The following RGS7 variants were observed in gnomAD, a reference collection of about 807,000 sequenced individuals.
The protein encoded by RGS7 is regulator of G protein signaling 7, also known as regulator of G-protein signaling 7.
Under a neutral mutation model 81.1 loss-of-function variants are expected in RGS7, and 27 were observed. The observed-to-expected ratio is 0.33, with a 90% CI of 0.25 to 0.46. The LOEUF (loss-of-function observed/expected upper bound fraction) is 0.46, where lower values mean the gene tolerates loss of function less well. RGS7 is among the 20% of genes least tolerant of loss of function. The pLI is 1.00. For synonymous variants in RGS7, 208 were observed against 207.7 expected (o/e 1.00, Z -0.01); for missense variants, 396 against 607.4 (o/e 0.65, Z 3.66).
At chr1:241,344,591 C>A (rs1300345248) in intron 2 of RGS7, among the ~76,000 whole-genome samples, 2 of 152,228 alleles carry the variant, frequency 1.3e-5, no homozygotes, top group Non-Finnish European at 2.9e-5. Flanking sequence ...TGGCTACAAG[C>A]CCTTCAGCTT....
At chr1:240,998,579 C>T in intron 3 of RGS7, 1 of 829,612 alleles carries the variant, frequency 1.2e-6, no homozygotes, top group Non-Finnish European at 2.1e-6. Context: ...CAGATAGAGC[C>T]AGCTGCTGGA....
rs566645817 is a variant in RGS7, at chr1:241,212,749, T to A, written c.79-113987A>T. 8.5e-5 allele frequency among the ~76,000 whole-genome samples: 13 copies of A among 152,286 alleles called. No individual in the cohort carries two copies. The South Asian group carries it at 2.7e-3, about 32-fold the overall frequency. Reference sequence around the variant, plus strand: ...CCTCACCAGCAGGGTGTCCTCTACATTCTGTCTAATGAATGAATGGCCTGC... The same window carrying A: ...CCTCACCAGCAGGGTGTCCTCTACAATCTGTCTAATGAATGAATGGCCTGC... On this transcript the variant is annotated intron_variant, in intron 2 of 18. Transcript: ENST00000440928.
Position 241,306,829 on chromosome 1 carries a change from C to T in RGS7, c.78+48870G>A, listed in dbSNP as rs146469772. 2.6e-5 allele frequency among the ~76,000 whole-genome samples: 4 copies of T among 152,238 alleles called. No individual in the cohort carries two copies. The East Asian group carries it at 7.7e-4, about 29-fold the overall frequency. ...CCTGTGTGCACACACATACACACAT[C>T]TATCCACTCACATACACACAACACC... On this transcript the variant is annotated intron_variant, in intron 2 of 18. Coordinates refer to ENST00000440928, the MANE Select transcript of RGS7 (RefSeq NM_001364886.1).
At chr1:241,306,296 C>T (rs1479944759) in intron 2 of RGS7, among the ~76,000 whole-genome samples, 5 of 150,956 alleles carry the variant, frequency 3.3e-5, no homozygotes. Context: ...CACACATACC[C>T]TCACATGTAC....
At position 240,823,009 on chromosome 1, in the gene RGS7, G is replaced by A. The variant is rs1237547269; in HGVS notation, c.684+4089C>T. ...TCATTTTGTTTTTAGAAACCTGGAA[G>A]AAATTGTCTTGAGTTTCAAATGTTC... On this transcript the variant is annotated intron_variant, in intron 10 of 18. Coordinates refer to ENST00000440928, the MANE Select transcript of RGS7 (RefSeq NM_001364886.1). 3 of 523,660 alleles carry A rather than the reference G, an allele frequency of 5.7e-6. No homozygotes were observed. In the Admixed American group the frequency reaches 9.3e-5, roughly 16 times the overall value. 32.4% of individuals were successfully genotyped at this position (523,660 alleles called of 1,614,324 possible). A position where few individuals can be genotyped will look rare whatever the true frequency, so the allele number is the denominator to read the frequency against.
chr1:241,261,271 G>A (rs879678504), intron 2 of RGS7, among the ~76,000 whole-genome samples: 60 of 152,096 alleles, frequency 3.9e-4, no homozygotes, highest in Admixed American at 7.2e-4. Flanking sequence ...AAGTGGATGC[G>A]GCTGGGAACA....
intron 2 of RGS7, among the ~76,000 whole-genome samples, chr1:241,189,190 T>G (rs1224070563): frequency 1.3e-5 from 2 of 152,216 alleles, no homozygotes; most frequent in Non-Finnish European, 2.9e-5. Context: ...CTCGCTACAT[T>G]GCCCAGGCTG....
intron 2 of RGS7, among the ~76,000 whole-genome samples, chr1:241,343,160 G>A (rs766678250): frequency 3.3e-5 from 5 of 151,936 alleles, no homozygotes; most frequent in Non-Finnish European, 5.9e-5. Flanking sequence ...TACTCGGGAG[G>A]CTGAGGCAGG....
At chr1:241,233,510 A>C (rs2075774740) in intron 2 of RGS7, among the ~76,000 whole-genome samples, 2 of 152,148 alleles carry the variant, frequency 1.3e-5, no homozygotes, top group African/African-American at 4.8e-5. Flanking sequence ...TGCCTGACTC[A>C]CTTCCCTTAA....
intron 3 of RGS7, among the ~76,000 whole-genome samples, chr1:241,065,087 A>G (rs1390315026): frequency 6.6e-6 from 1 of 152,094 alleles, no homozygotes; most frequent in Non-Finnish European, 1.5e-5. Context: ...TCCACCACTT[A>G]TTAGTTATGT....
chr1:241,065,298 GATATA>G, intron 3 of RGS7, among the ~76,000 whole-genome samples: 1 of 150,584 alleles, frequency 6.6e-6, no homozygotes, highest in South Asian at 2.1e-4. Flanking sequence ...TATAGATATA[GATATA>G]ATAGATATAT....
intron 6 of RGS7, among the ~76,000 whole-genome samples, chr1:240,891,119 T>C (rs1483631781): frequency 6.6e-6 from 1 of 152,202 alleles, no homozygotes; most frequent in Non-Finnish European, 1.5e-5. Context: ...CTGCTCTTAG[T>C]TGAGTAACAA....
intron 2 of RGS7, among the ~76,000 whole-genome samples, chr1:241,204,785 C>T: frequency 6.6e-6 from 1 of 151,418 alleles, no homozygotes; most frequent in East Asian, 1.9e-4. Flanking sequence ...TTTAAATAGG[C>T]TTTACATAGA....
intron 4 of RGS7, among the ~76,000 whole-genome samples, chr1:240,941,804 C>G (rs976627670): frequency 2.1e-4 from 32 of 151,430 alleles, no homozygotes; most frequent in African/African-American, 7.8e-4. Flanking sequence ...AGACCGCTGA[C>G]AATCTTGGAA....
At chr1:241,142,143 CCT>C (rs2067966492) in intron 2 of RGS7, among the ~76,000 whole-genome samples, 1 of 152,220 alleles carries the variant, frequency 6.6e-6, no homozygotes, top group South Asian at 2.1e-4. Flanking sequence ...CAGCTCCACC[CCT>C]GTGGCTCTGC....
chr1:240,803,431 C>A (rs1035712038), intron 15 of RGS7, among the ~76,000 whole-genome samples: 1 of 152,064 alleles, frequency 6.6e-6, no homozygotes, highest in African/African-American at 2.4e-5. Flanking sequence ...GTGCCAACTA[C>A]CCAGAAGAAT....
intron 3 of RGS7, among the ~76,000 whole-genome samples, chr1:241,097,256 A>C (rs1219785364): frequency 6.6e-6 from 1 of 151,984 alleles, no homozygotes; most frequent in Non-Finnish European, 1.5e-5. Context: ...AATGGAGTGA[A>C]GCCACAGATG....
chr1:241,084,265 T>C (rs1210517894), intron 3 of RGS7, among the ~76,000 whole-genome samples: 1 of 152,200 alleles, frequency 6.6e-6, no homozygotes, highest in Non-Finnish European at 1.5e-5. Flanking sequence ...ATATTCAAAT[T>C]GTGACATTTA....
chr1:241,252,335 C>T (rs1212453717), intron 2 of RGS7, among the ~76,000 whole-genome samples: 8 of 152,268 alleles, frequency 5.3e-5, no homozygotes, highest in South Asian at 4.1e-4. Context: ...TGAGCCACAG[C>T]GCCGGACCTT....
Sources: gnomAD v4.1 joint callset for allele counts (sites outside exome capture counted in the v4.1 genomes callset) on GRCh38, gnomAD v4.1.1 for gene constraint, MANE v1.5 for transcripts, NCBI Gene and HGNC (gene_info 2026-07-23, HGNC 2026-07-21) for gene names.